Variants in SMYD3 observed in about 807,000 individuals in gnomAD.
SMYD3 encodes histone-lysine N-methyltransferase SMYD3.
In SMYD3, 36 loss-of-function variants were observed where a neutral mutation model predicts 57.7. The observed-to-expected ratio is 0.62, with a 90% CI of 0.48 to 0.82. The LOEUF is 0.82. Among genes scored for constraint, SMYD3 ranks in the 40% least tolerant of loss-of-function variants. The pLI is 0.00. For missense variants in SMYD3, 515 were observed against 538.8 expected, an observed-to-expected ratio of 0.96 and a Z score of 0.44; for synonymous variants, 211 against 195.0, an observed-to-expected ratio of 1.08 and a Z score of -0.68.
rs1041420259 is a variant in SMYD3 at position 246,183,697 on chromosome 1, T to C, written c.531+143504A>G. On this transcript the variant is annotated intron_variant, in intron 5 of 11. Coordinates refer to ENST00000490107, the MANE Select transcript of SMYD3 (RefSeq NM_001167740.2). The stretch of plus-strand genomic sequence containing the variant: ...AGTGAAGTAGTAGCTCAAAAGATTA[T>C]GAAAATTGAGATTTCCAAACTGAAT... 3.9e-4 allele frequency among the ~76,000 whole-genome samples: 59 copies of C among 152,142 alleles called. 3 individuals carry two copies. Among genetic ancestry groups the C allele is most frequent in the Admixed American group, 1.3e-4 (2 of 15,280 alleles).
chr1:245,801,951 G>A (rs1425619785), intron 10 of SMYD3, among the ~76,000 whole-genome samples: 1 of 149,778 alleles, frequency 6.7e-6, no homozygotes, highest in Non-Finnish European at 1.5e-5. Flanking sequence ...TCACCAAATC[G>A]TGTTCTTCCA....
At chr1:246,240,411 T>C (rs1179502624) in intron 5 of SMYD3, among the ~76,000 whole-genome samples, 1 of 152,140 alleles carries the variant, frequency 6.6e-6, no homozygotes, top group Non-Finnish European at 1.5e-5. Flanking sequence ...AGATGTGTGG[T>C]ATTCTTTCTG....
chr1:245,803,682 G>A (rs2047988130), intron 10 of SMYD3, among the ~76,000 whole-genome samples: 1 of 152,128 alleles, frequency 6.6e-6, no homozygotes, highest in South Asian at 2.1e-4. Context: ...GAATTCTTAA[G>A]GAAAGGAAAA....
chr1:246,353,106 T>C (rs1293500995), intron 2 of SMYD3, among the ~76,000 whole-genome samples: 1 of 152,258 alleles, frequency 6.6e-6, no homozygotes, highest in Non-Finnish European at 1.5e-5. Flanking sequence ...TTTTTGCTTT[T>C]AGTTACTCTT....
chr1:246,075,385 G>T (rs2060529107), intron 5 of SMYD3, among the ~76,000 whole-genome samples: 1 of 152,098 alleles, frequency 6.6e-6, no homozygotes, highest in South Asian at 2.1e-4. Flanking sequence ...AAGACAAAAG[G>T]AATTTTCCAT....
At chr1:246,436,790 G>T (rs1243971086) in intron 1 of SMYD3, among the ~76,000 whole-genome samples, 1 of 151,908 alleles carries the variant, frequency 6.6e-6, no homozygotes, top group Non-Finnish European at 1.5e-5. Flanking sequence ...GGTGTAAAGG[G>T]TTTTCACCAG....
At chr1:245,758,185 A>T (rs1407921772) in intron 11 of SMYD3, among the ~76,000 whole-genome samples, 1 of 152,068 alleles carries the variant, frequency 6.6e-6, no homozygotes, top group Non-Finnish European at 1.5e-5. Flanking sequence ...TTTGTTTTTG[A>T]ATTGTTCATT....
intron 5 of SMYD3, among the ~76,000 whole-genome samples, chr1:245,989,703 G>A (rs1412666515): frequency 2.0e-5 from 3 of 152,252 alleles, no homozygotes; most frequent in Non-Finnish European, 4.4e-5. Context: ...GATTTCCAAT[G>A]ACAAGTGGGG....
At chr1:245,888,080 G>A (rs1012164610) in intron 8 of SMYD3, among the ~76,000 whole-genome samples, 3 of 152,174 alleles carry the variant, frequency 2.0e-5, no homozygotes, top group Admixed American at 6.5e-5. Flanking sequence ...CCTTGTTGGG[G>A]TGAGTCAGGG....
chr1:246,461,485 AAAATAG>A (rs2067797234), intron 1 of SMYD3, among the ~76,000 whole-genome samples: 1 of 152,204 alleles, frequency 6.6e-6, no homozygotes, highest in South Asian at 2.1e-4. Flanking sequence ...TTTCTATAGA[AAAATAG>A]AAATCATATA....
At chr1:245,890,184 G>C (rs1321944189) in intron 8 of SMYD3, among the ~76,000 whole-genome samples, 2 of 152,170 alleles carry the variant, frequency 1.3e-5, no homozygotes, top group Non-Finnish European at 1.5e-5. Context: ...AAGATTTCTT[G>C]AGTAACATCC....
At chr1:246,438,145 A>T (rs988908700) in intron 1 of SMYD3, among the ~76,000 whole-genome samples, 10 of 152,228 alleles carry the variant, frequency 6.6e-5, no homozygotes, top group Non-Finnish European at 1.3e-4. Flanking sequence ...GATGCATGTT[A>T]AGTTTGAAAA....
At chr1:245,803,693 T>A (rs1170972364) in intron 10 of SMYD3, among the ~76,000 whole-genome samples, 1 of 152,110 alleles carries the variant, frequency 6.6e-6, no homozygotes, top group East Asian at 1.9e-4. Context: ...GAAAGGAAAA[T>A]CATTATTTCT....
At chr1:246,235,983 C>T (rs899251275) in intron 5 of SMYD3, among the ~76,000 whole-genome samples, 9 of 152,094 alleles carry the variant, frequency 5.9e-5, no homozygotes, top group African/African-American at 2.2e-4. Flanking sequence ...TCACAGAAAG[C>T]ACTACTCTAC....
intron 1 of SMYD3, among the ~76,000 whole-genome samples, chr1:246,459,182 G>A (rs1027684249): frequency 9.9e-5 from 14 of 141,526 alleles, no homozygotes; most frequent in Admixed American, 6.3e-4. Flanking sequence ...TGCTGTTCTC[G>A]TGATAGTTCT....
chr1:246,341,855 G>C (rs185553823), intron 2 of SMYD3, among the ~76,000 whole-genome samples: 2 of 152,224 alleles, frequency 1.3e-5, no homozygotes, highest in Non-Finnish European at 2.9e-5. Context: ...GCTCATTATT[G>C]TTTGGGATAG....
At chr1:246,152,080 C>G (rs1440932277) in intron 5 of SMYD3, among the ~76,000 whole-genome samples, 1 of 152,186 alleles carries the variant, frequency 6.6e-6, no homozygotes, top group African/African-American at 2.4e-5. Context: ...CCTCTGGAGT[C>G]TGTGAAACAA....
rs865903744 is a variant in SMYD3 at position 246,480,970 on chromosome 1, T to C, written c.164+26084A>G. On this transcript the variant is annotated intron_variant, in intron 1 of 11. Transcript: ENST00000490107. ...TGTGCCACCACACCCAGCTAATTTT[T>C]TGTATTTTTAGTAGAGACAGGGTAT... Among the ~76,000 whole-genome samples, 17 of 152,160 alleles carry C rather than the reference T, an allele frequency of 1.1e-4. No individual in the cohort carries two copies. In the Middle Eastern group the frequency reaches 0.02, roughly 183 times the overall value.
chr1:245,826,969 G>T (rs2049538071), intron 10 of SMYD3, among the ~76,000 whole-genome samples: 1 of 152,322 alleles, frequency 6.6e-6, no homozygotes, highest in Admixed American at 6.5e-5. Context: ...TTCAAGATGA[G>T]ATTTGGGTGG....
Sources: gnomAD v4.1 joint callset for allele counts (sites outside exome capture counted in the v4.1 genomes callset) on GRCh38, gnomAD v4.1.1 for gene constraint, MANE v1.5 for transcripts, NCBI Gene and HGNC (gene_info 2026-07-23, HGNC 2026-07-21) for gene names.